TMEM164: variants seen among roughly 807,000 people sequenced by gnomAD.
The protein encoded by TMEM164 is transmembrane protein 164, also known as RP13-360B22.2.
A neutral mutation model predicts 18.8 loss-of-function variants in TMEM164; 4 were observed. The ratio of observed to expected loss-of-function variants is 0.21; its 90% CI spans 0.10 to 0.49. TMEM164 has a LOEUF of 0.49. TMEM164 is among the 20% of genes least tolerant of loss of function. The probability of loss-of-function intolerance (pLI) is 0.98; values close to 1 mark genes in which losing one functional copy is unlikely to be tolerated. For missense variants in TMEM164, 108 were observed against 239.9 expected, an observed-to-expected ratio of 0.45 and a Z score of 3.63; for synonymous variants, 86 against 101.7, an observed-to-expected ratio of 0.85 and a Z score of 0.93.
intron 4 of TMEM164, among the ~76,000 whole-genome samples, chrX:110,117,214 A>G (rs959958375): frequency 8.9e-6 from 1 of 111,804 alleles, no homozygotes; most frequent in African/African-American, 3.3e-5. Context: ...CAGAACTAGC[A>G]TGAAAACTTT....
intron 3 of TMEM164, among the ~76,000 whole-genome samples, chrX:110,095,190 G>A (rs186636277): frequency 5.4e-4 from 60 of 111,377 alleles, no homozygotes; most frequent in African/African-American, 1.8e-3. Flanking sequence ...TATCTTTGCG[G>A]TGTTCTCTGT....
chrX:110,020,775 A>C, intron 2 of TMEM164: 4 of 599,370 alleles, frequency 6.7e-6, no homozygotes, highest in Non-Finnish European at 8.0e-6. Flanking sequence ...CAGAATATTT[A>C]TGGCATCAGT....
intron 3 of TMEM164, among the ~76,000 whole-genome samples, chrX:110,107,442 T>C (rs2066220760): frequency 8.9e-6 from 1 of 112,338 alleles, no homozygotes; most frequent in African/African-American, 3.2e-5. Flanking sequence ...GGAATATTAT[T>C]ATTTTTCTTC....
At chrX:110,020,253 A>T (rs1043811444) in intron 2 of TMEM164, 1 of 425,931 alleles carries the variant, frequency 2.3e-6, no homozygotes, top group Non-Finnish European at 2.9e-6. Flanking sequence ...CTAATTTTTT[A>T]AAAATTAAGT....
intron 4 of TMEM164, among the ~76,000 whole-genome samples, chrX:110,124,387 T>C (rs753944007): frequency 1.8e-5 from 2 of 112,032 alleles, no homozygotes; most frequent in Non-Finnish European, 3.8e-5. Flanking sequence ...GAGCTCCTCC[T>C]GAGGCCCATC....
At chrX:110,179,567 G>A (rs2067315499), downstream of TMEM164, among the ~76,000 whole-genome samples, 2 of 112,046 alleles carry the variant, frequency 1.8e-5, no homozygotes, top group South Asian at 7.4e-4. Flanking sequence ...TTTCCTTTGT[G>A]CTGTTTTCTC....
At chrX:110,083,101 C>T (rs1452787369) in intron 3 of TMEM164, among the ~76,000 whole-genome samples, 1 of 111,185 alleles carries the variant, frequency 9.0e-6, no homozygotes, top group African/African-American at 3.3e-5. Flanking sequence ...TTCTAAACCC[C>T]CTTCAGATCA....
chrX:110,048,385 A>C (rs1172003840), intron 2 of TMEM164, among the ~76,000 whole-genome samples: 2 of 111,262 alleles, frequency 1.8e-5, no homozygotes, highest in Non-Finnish European at 3.8e-5. Context: ...CAGACTGAAT[A>C]CTCCACAGAA....
intron 4 of TMEM164, among the ~76,000 whole-genome samples, chrX:110,142,252 C>T (rs969953882): frequency 1.8e-4 from 20 of 112,055 alleles, no homozygotes; most frequent in Non-Finnish European, 3.8e-4. Flanking sequence ...GCTAAATCAC[C>T]ATGTGGAGGG....
chrX:110,098,950 ATTT>A (rs772519388), intron 3 of TMEM164, among the ~76,000 whole-genome samples: 4 of 85,062 alleles, frequency 4.7e-5, no homozygotes, highest in Admixed American at 1.3e-4. Context: ...CACCCGGCTA[ATTT>A]TTTTTTTTTT....
chrX:110,173,050 G>A (rs189703329), intron 6 of TMEM164, among the ~76,000 whole-genome samples, 195 bp from the exon 7 acceptor site: 4 of 111,913 alleles, frequency 3.6e-5, no homozygotes, highest in Admixed American at 9.4e-5. Context: ...ACGGCCCTCC[G>A]CCATCACCTC....
intron 5 of TMEM164, among the ~76,000 whole-genome samples, chrX:110,146,038 C>G (rs1211529352): frequency 1.8e-5 from 2 of 112,595 alleles, no homozygotes; most frequent in African/African-American, 6.5e-5. Context: ...TGTAAAAGCA[C>G]TATTTTCCTC....
At chrX:110,066,817 G>A (rs1936359581) in intron 2 of TMEM164, among the ~76,000 whole-genome samples, 1 of 111,576 alleles carries the variant, frequency 9.0e-6, no homozygotes, top group African/African-American at 3.3e-5. Flanking sequence ...TCAATCAAAG[G>A]GAGGCTTGGA....
At chrX:110,076,974 A>G (rs1019288945) in intron 3 of TMEM164, among the ~76,000 whole-genome samples, 6 of 111,976 alleles carry the variant, frequency 5.4e-5, no homozygotes, top group Non-Finnish European at 9.4e-5. Context: ...ATTAGGTCCA[A>G]TTGGTTAACT....
intron 5 of TMEM164, among the ~76,000 whole-genome samples, chrX:110,149,934 T>C (rs2066916993): frequency 8.9e-6 from 1 of 111,811 alleles, no homozygotes; most frequent in Admixed American, 9.5e-5. Flanking sequence ...TATATTAACA[T>C]ATGCCTTCTT....
chrX:110,155,103 T>C (rs1403311510), intron 5 of TMEM164, among the ~76,000 whole-genome samples: 1 of 111,779 alleles, frequency 8.9e-6, no homozygotes, highest in Non-Finnish European at 1.9e-5. Flanking sequence ...AGGTCAGGAT[T>C]GTGCCTTGCT....
At chrX:110,016,894 C>T (rs1010861951) in intron 2 of TMEM164, among the ~76,000 whole-genome samples, 2 of 111,216 alleles carry the variant, frequency 1.8e-5, no homozygotes, top group Middle Eastern at 4.6e-3. Flanking sequence ...TGGGCTCAAG[C>T]GATTCTTCTG....
At chrX:110,017,470 C>CT (rs1933485607) in intron 2 of TMEM164, among the ~76,000 whole-genome samples, 6 of 23,425 alleles carry the variant, frequency 2.6e-4, no homozygotes, top group South Asian at 3.8e-3. Flanking sequence ...CTCTTTCTTT[C>CT]CTTCCCTCCC....
downstream of TMEM164, among the ~76,000 whole-genome samples, chrX:110,182,013 C>T (rs2067325752): frequency 9.0e-6 from 1 of 111,554 alleles, no homozygotes; most frequent in African/African-American, 3.3e-5. Flanking sequence ...ATTTCATGGA[C>T]TCTAAGACAC....
Sources: allele counts gnomAD v4.1 joint callset (sites outside exome capture counted in the v4.1 genomes callset), GRCh38; gene constraint gnomAD v4.1.1; transcripts MANE v1.5; gene names NCBI Gene and HGNC (gene_info 2026-07-23, HGNC 2026-07-21).